RASA2: variants seen among roughly 807,000 people sequenced by gnomAD.
RASA2 encodes the protein ras GTPase-activating protein 2.
RASA2 carries 155 observed loss-of-function variants against 118.2 expected under a neutral mutation model. The ratio of observed to expected loss-of-function variants is 1.31; its 90% CI spans 1.15 to 1.50. The LOEUF (loss-of-function observed/expected upper bound fraction) is 1.50, where lower values mean the gene tolerates loss of function less well. RASA2 is among the 40% of genes most tolerant of loss of function. The probability of loss-of-function intolerance (pLI) is 0.00; values close to 1 mark genes in which losing one functional copy is unlikely to be tolerated. For missense variants in RASA2, 1,016 were observed against 1,009.6 expected (o/e 1.01, Z -0.09); for synonymous variants, 353 against 349.1 (o/e 1.01, Z -0.12).
At chr3:141,495,886 A>C (rs1252020316) in intron 1 of RASA2, among the ~76,000 whole-genome samples, 1 of 152,258 alleles carries the variant, frequency 6.6e-6, no homozygotes, top group African/African-American at 2.4e-5. Context: ...AGGTATATCT[A>C]TGTTATGAAA....
chr3:141,497,755 A>G (rs1002311669), intron 1 of RASA2, among the ~76,000 whole-genome samples: 18 of 151,400 alleles, frequency 1.2e-4, no homozygotes, highest in African/African-American at 4.4e-4. Flanking sequence ...AGCCCTAGCT[A>G]TTAATACTTG....
chr3:141,498,975 A>G (rs1398543148), intron 1 of RASA2, among the ~76,000 whole-genome samples: 1 of 152,144 alleles, frequency 6.6e-6, no homozygotes, highest in African/African-American at 2.4e-5. Flanking sequence ...CTGAAACCGG[A>G]AGTGGGCAAG....
chr3:141,576,084 T>C (rs2083007356), intron 14 of RASA2, among the ~76,000 whole-genome samples: 1 of 152,214 alleles, frequency 6.6e-6, no homozygotes, highest in African/African-American at 2.4e-5. Context: ...GCCAACACTT[T>C]ATGTTTTTAT....
At chr3:141,492,278 GA>G (rs1202705903) in intron 1 of RASA2, among the ~76,000 whole-genome samples, 62 of 152,156 alleles carry the variant, frequency 4.1e-4, no homozygotes, top group Non-Finnish European at 3.5e-4. Context: ...TGTGCTTTAT[GA>G]AATTATTTGA....
chr3:141,585,656 T>A (rs1577790313), intron 17 of RASA2, among the ~76,000 whole-genome samples: 1 of 151,990 alleles, frequency 6.6e-6, no homozygotes, highest in South Asian at 2.1e-4. Context: ...AAAAAATAGC[T>A]GCCCATGGTG....
At chr3:141,527,605 A>G (rs1007920680) in intron 3 of RASA2, among the ~76,000 whole-genome samples, 1 of 152,038 alleles carries the variant, frequency 6.6e-6, no homozygotes, top group Non-Finnish European at 1.5e-5. Context: ...TACTTGATAG[A>G]ATTATGGTAA....
chr3:141,493,254 C>CTG (rs1392568241), intron 1 of RASA2, among the ~76,000 whole-genome samples: 1 of 152,196 alleles, frequency 6.6e-6, no homozygotes, highest in Admixed American at 6.5e-5. Context: ...AAGATTTTCA[C>CTG]TGTGCCGTCT....
In RASA2 at chr3:141,514,009, A is replaced by G. The variant is rs182689601; in HGVS notation, c.251+1729A>G. Among the ~76,000 whole-genome samples, 53 of 152,316 alleles carry G rather than the reference A, an allele frequency of 3.5e-4. No individual in the cohort carries two copies. In the East Asian group the frequency reaches 0.01, roughly 29 times the overall value. On this transcript the variant is annotated intron_variant, in intron 2 of 23. Coordinates refer to ENST00000286364, the MANE Select transcript of RASA2 (RefSeq NM_006506.5). Reference sequence around the variant, plus strand: ...TAAGCTTTGCAACATGAGGATGGGCAAAGATTTCTTGCTTTGAATGCAAGA... The same window carrying G: ...TAAGCTTTGCAACATGAGGATGGGCGAAGATTTCTTGCTTTGAATGCAAGA...
intron 14 of RASA2, among the ~76,000 whole-genome samples, chr3:141,576,523 G>T (rs1407221139): frequency 6.6e-6 from 1 of 152,148 alleles, no homozygotes; most frequent in Non-Finnish European, 1.5e-5. Flanking sequence ...ACTGTTGATA[G>T]CTTTTTAAAG....
intron 1 of RASA2, among the ~76,000 whole-genome samples, chr3:141,491,265 A>G (rs2081637070): frequency 6.6e-6 from 1 of 151,964 alleles, no homozygotes; most frequent in Non-Finnish European, 1.5e-5. Context: ...GGAAGCTCCT[A>G]CTCATCCCTC....
chr3:141,487,784 GGCC>G (rs1230072509), intron 1 of RASA2, among the ~76,000 whole-genome samples: 1 of 152,098 alleles, frequency 6.6e-6, no homozygotes. Context: ...GCAGGAAACG[GGCC>G]GCCCTGGGGC....
At chr3:141,584,075 G>T (rs1266506387) in intron 17 of RASA2, among the ~76,000 whole-genome samples, 1 of 152,090 alleles carries the variant, frequency 6.6e-6, no homozygotes, top group African/African-American at 2.4e-5. Flanking sequence ...GCTTACGCCT[G>T]TAATCCCAGC....
intron 23 of RASA2, among the ~76,000 whole-genome samples, chr3:141,610,781 C>T (rs2083638805): frequency 2.0e-5 from 3 of 151,978 alleles, no homozygotes; most frequent in Admixed American, 6.6e-5. Flanking sequence ...TGAGCCAACA[C>T]CACCAGGCTG....
At chr3:141,503,348 C>T in intron 1 of RASA2, among the ~76,000 whole-genome samples, 1 of 152,198 alleles carries the variant, frequency 6.6e-6, no homozygotes, top group South Asian at 2.1e-4. Flanking sequence ...TGATAGTAGC[C>T]TGATATTGGA....
At chr3:141,562,705 G>A (rs1040043865) in intron 9 of RASA2, among the ~76,000 whole-genome samples, 19 of 149,316 alleles carry the variant, frequency 1.3e-4, no homozygotes, top group African/African-American at 4.7e-4. Context: ...ACGGAGTCTC[G>A]CTCTGTCTCC....
chr3:141,505,290 G>C (rs112967818), intron 1 of RASA2, among the ~76,000 whole-genome samples: 1 of 152,122 alleles, frequency 6.6e-6, no homozygotes, highest in Non-Finnish European at 1.5e-5. Flanking sequence ...ACAGTGCCTC[G>C]TGTGTTTAGG....
chr3:141,597,600 T>C (rs2083393356), intron 19 of RASA2, among the ~76,000 whole-genome samples: 1 of 152,144 alleles, frequency 6.6e-6, no homozygotes, highest in Non-Finnish European at 1.5e-5. Flanking sequence ...ACTGGATGAA[T>C]TGATATGTCA....
intron 5 of RASA2, among the ~76,000 whole-genome samples, chr3:141,552,796 C>A (rs925406551): frequency 3.3e-5 from 5 of 152,190 alleles, no homozygotes; most frequent in African/African-American, 1.2e-4. Flanking sequence ...TCACTCACAT[C>A]TGTGACCTGT....
At chr3:141,580,346 T>G (rs1370109074) in intron 15 of RASA2, 22 bp from the exon 16 acceptor site, 2 of 1,520,552 alleles carry the variant, frequency 1.3e-6, no homozygotes, top group African/African-American at 2.8e-5. Flanking sequence ...TTAGTAGTTT[T>G]GGTCTTTTTT....
Sources: gnomAD v4.1 joint callset for allele counts (sites outside exome capture counted in the v4.1 genomes callset) on GRCh38, gnomAD v4.1.1 for gene constraint, MANE v1.5 for transcripts, NCBI Gene and HGNC (gene_info 2026-07-23, HGNC 2026-07-21) for gene names.